Variants in TBC1D8 observed in about 807,000 individuals in gnomAD.
TBC1D8 encodes BUB2-like protein 1.
In TBC1D8, 65 loss-of-function variants were observed where a neutral mutation model predicts 118.8. The observed-to-expected ratio is 0.55, with a 90% CI of 0.45 to 0.67. The LOEUF (loss-of-function observed/expected upper bound fraction) is 0.67, where lower values mean the gene tolerates loss of function less well. Among genes scored for constraint, TBC1D8 ranks in the 30% least tolerant of loss-of-function variants. TBC1D8 has a pLI of 0.00. For missense variants in TBC1D8, 1,376 were observed against 1,471.2 expected, an observed-to-expected ratio of 0.94 and a Z score of 1.06; for synonymous variants, 566 against 595.8, an observed-to-expected ratio of 0.95 and a Z score of 0.73.
At chr2:101,074,958 A>G (rs912327606) in intron 2 of TBC1D8, among the ~76,000 whole-genome samples, 4 of 152,206 alleles carry the variant, frequency 2.6e-5, no homozygotes, top group Admixed American at 2.0e-4. Flanking sequence ...CGCATCATAT[A>G]TCAGTTAAAT....
At chr2:101,068,612 C>A in intron 2 of TBC1D8, 1 of 533,204 alleles carries the variant, frequency 1.9e-6, no homozygotes, top group South Asian at 1.9e-5. Flanking sequence ...GGATACAATT[C>A]GCCAACAAGA....
In TBC1D8 at chr2:101,008,174, G is replaced by C. The variant is rs1558962200; in HGVS notation, c.3115C>G (p.Leu1039Val). The C allele has an allele frequency of 6.2e-7, 1 of 1,613,762 alleles. No homozygotes were observed. Residue 1039 changes from leucine (L) to valine (V), a missense_variant, in exon 20 of 20, where the codon CTG (leucine) becomes GTG (valine). Coordinates refer to ENST00000409318, the MANE Select transcript of TBC1D8 (RefSeq NM_001330348.2). ...YQAIATVTTLLLQIGEVGQRG... is the reference protein window; with the variant it reads ...YQAIATVTTLVLQIGEVGQRG... ...TGCCCCACCTCCCCGATCTGCAGCA[G>C]CAGTGTGGTGACTGTGGCGATGGCT...
intron 10 of TBC1D8, 55 bp from the exon 11 acceptor site, chr2:101,032,440 A>T: frequency 6.7e-7 from 1 of 1,498,950 alleles, no homozygotes; most frequent in Non-Finnish European, 9.3e-7. Context: ...TGCCACAGAG[A>T]TGTTACAAGC....
intron 1 of TBC1D8, among the ~76,000 whole-genome samples, chr2:101,129,748 A>G (rs889843683): frequency 5.3e-4 from 81 of 151,898 alleles, no homozygotes; most frequent in African/African-American, 1.9e-3. Context: ...TACTAAAAAT[A>G]CAAACAATTA....
chr2:101,135,831 T>C (rs999222325), intron 1 of TBC1D8, among the ~76,000 whole-genome samples: 5 of 152,126 alleles, frequency 3.3e-5, no homozygotes, highest in African/African-American at 1.2e-4. Flanking sequence ...TTTTGGAACC[T>C]GATTTTGTTT....
At chr2:101,014,703 G>A (rs1679483575) in intron 17 of TBC1D8, among the ~76,000 whole-genome samples, 1 of 152,158 alleles carries the variant, frequency 6.6e-6, no homozygotes, top group Non-Finnish European at 1.5e-5. Context: ...GGTTCCAGCA[G>A]ATATCTTGAC....
At chr2:101,146,489 T>C (rs1341485187) in intron 1 of TBC1D8, among the ~76,000 whole-genome samples, 1 of 152,174 alleles carries the variant, frequency 6.6e-6, no homozygotes, top group Non-Finnish European at 1.5e-5. Flanking sequence ...TATACAGGAA[T>C]ACACGCAATA....
At chr2:101,137,933 G>GT (rs1474412474) in intron 1 of TBC1D8, among the ~76,000 whole-genome samples, 2 of 152,180 alleles carry the variant, frequency 1.3e-5, no homozygotes, top group African/African-American at 4.8e-5. Context: ...CCGCGACTGG[G>GT]TAATTTCTAA....
Position 101,140,762 on chromosome 2 carries a change from T to C in TBC1D8, c.127+10365A>G, listed in dbSNP as rs1242966901. Reference sequence around the variant, plus strand: ...CAAATAACACATCTATATTACTACTTTTTTTTTTTTTTTTTTTGAGACAGA... The same window carrying C: ...CAAATAACACATCTATATTACTACTCTTTTTTTTTTTTTTTTTGAGACAGA... On this transcript the variant is annotated intron_variant, in intron 1 of 19. Coordinates refer to ENST00000409318, the MANE Select transcript of TBC1D8 (RefSeq NM_001330348.2). 4.1e-3 allele frequency among the ~76,000 whole-genome samples: 167 copies of C among 40,892 alleles called. 1 individual carries two copies. The highest frequency in any genetic ancestry group is 0.012 in the African/African-American group (161 of 13,192). The allele number at this position is 40,892 out of a possible 152,430, so 26.8% of individuals were successfully genotyped here.
chr2:101,029,402 A>C (rs1255043220), intron 12 of TBC1D8, 89 bp downstream of exon 12: 3 of 1,455,650 alleles, frequency 2.1e-6, no homozygotes, highest in African/African-American at 1.4e-5. Context: ...AATAAAAAAA[A>C]AAAAAAACTT....
intron 16 of TBC1D8, 120 bp from the exon 17 acceptor site, chr2:101,021,866 G>T: frequency 4.4e-6 from 3 of 678,030 alleles, no homozygotes; most frequent in Non-Finnish European, 7.8e-6. Context: ...CAACTCTCCT[G>T]CCCCAGACAC....
chr2:101,053,394 A>C (rs1682189996), intron 4 of TBC1D8, among the ~76,000 whole-genome samples: 1 of 152,190 alleles, frequency 6.6e-6, no homozygotes, highest in Non-Finnish European at 1.5e-5. Context: ...CACAGCAGAC[A>C]CTCAAGAGAA....
chr2:101,097,745 G>A (rs1479527417), intron 1 of TBC1D8, among the ~76,000 whole-genome samples: 3 of 152,100 alleles, frequency 2.0e-5, no homozygotes, highest in African/African-American at 7.2e-5. Flanking sequence ...GCATGCACCT[G>A]CAGTCCCAGC....
Position 101,008,291 on chromosome 2 carries a change from CTT to C in TBC1D8, c.3016-20_3016-19del. 2 of 1,499,180 alleles carry C rather than the reference CTT, an allele frequency of 1.3e-6. No individual in the cohort carries two copies. Among genetic ancestry groups the C allele is most frequent in the Non-Finnish European group, 1.8e-6 (2 of 1,127,156 alleles). The allele number at this position is 1,499,180 out of a possible 1,614,324, so 92.9% of individuals were successfully genotyped here. The stretch of plus-strand genomic sequence containing the variant: ...AATTCTCTCTGAAATTGAAATAAGT[CTT>C]AGGTAGCAGCAGAACCAGGGTGGAA... On this transcript the variant is annotated intron_variant, in intron 19 of 19. Coordinates refer to ENST00000409318, the MANE Select transcript of TBC1D8 (RefSeq NM_001330348.2).
chr2:101,086,992 C>G (rs1675677426), intron 2 of TBC1D8, among the ~76,000 whole-genome samples: 1 of 152,154 alleles, frequency 6.6e-6, no homozygotes, highest in Non-Finnish European at 1.5e-5. Context: ...CCATGTTGGC[C>G]AAGTTGGTCT....
At chr2:101,112,982 G>A (rs118166322) in intron 1 of TBC1D8, among the ~76,000 whole-genome samples, 2 of 152,212 alleles carry the variant, frequency 1.3e-5, no homozygotes, top group South Asian at 2.1e-4. Flanking sequence ...ACAGCCCAGC[G>A]CACTCTGATA....
intron 1 of TBC1D8, among the ~76,000 whole-genome samples, chr2:101,131,251 G>A (rs969855000): frequency 3.3e-5 from 5 of 151,952 alleles, no homozygotes; most frequent in East Asian, 1.9e-4. Flanking sequence ...GGTGGCTCAC[G>A]CCTGTAATCC....
chr2:101,038,525 G>C lies in TBC1D8; in HGVS notation c.1211C>G (p.Ala404Gly). Residue 404 changes from alanine to glycine, a missense_variant, in exon 7 of 20, where the codon GCG becomes GGG. Ala to Gly is a moderately conservative substitution (Grantham distance 60, BLOSUM62 0). Transcript: ENST00000409318. The part of the protein sequence containing the change: ...DRDSLVEALL[A>G]RLKQVHANHP... ...GTTGGCGTGGACCTGCTTCAACCTC[G>C]CAAGCAGCGCCTCCACCAGGCTGTC... 1 of 1,613,796 alleles carries C rather than the reference G, an allele frequency of 6.2e-7. No individual in the cohort carries two copies. The highest frequency in any genetic ancestry group is 1.1e-5 in the South Asian group (1 of 91,074).
At position 101,022,434 on chromosome 2, in the gene TBC1D8, G is replaced by A. The variant is rs184118901; in HGVS notation, c.2608C>T (p.Arg870Cys). Residue 870 changes from arginine (R) to cysteine (C), a missense_variant, in exon 16 of 20, where the codon CGC (arginine) becomes TGC (cysteine). Coordinates refer to ENST00000409318, the MANE Select transcript of TBC1D8 (RefSeq NM_001330348.2). ...DPSRPYAEQY[R>C]IDARQFAHLF... ...TGTGCAAACTGCCGGGCATCTATGC[G>A]GTACTGCTCAGCATAGGGCCGGCTG... 30 of 1,612,924 alleles carry A rather than the reference G, an allele frequency of 1.9e-5. No individual in the cohort carries two copies. The highest frequency in any genetic ancestry group is 1.5e-4 in the Admixed American group (9 of 59,668).
Sources: gnomAD v4.1 joint callset for allele counts (sites outside exome capture counted in the v4.1 genomes callset) on GRCh38, gnomAD v4.1.1 for gene constraint, MANE v1.5 for transcripts, NCBI Gene and HGNC (gene_info 2026-07-23, HGNC 2026-07-21) for gene names.